ATP8A2: variants seen among roughly 807,000 people sequenced by gnomAD.
The protein encoded by ATP8A2 is phospholipid-transporting ATPase IB.
In ATP8A2, 100 loss-of-function variants were observed where a neutral mutation model predicts 165.6. The ratio of observed to expected loss-of-function variants is 0.60; its 90% CI spans 0.51 to 0.71. The LOEUF (loss-of-function observed/expected upper bound fraction) is 0.71. Ranked by LOEUF, ATP8A2 falls within the 30% of genes least tolerant of loss-of-function variation. The pLI is 0.00. For synonymous variants in ATP8A2, 543 were observed against 548.8 expected (o/e 0.99, Z 0.15); for missense variants, 1,227 against 1,479.5 (o/e 0.83, Z 2.80).
chr13:25,997,533 TC>T (rs1252586953), intron 35 of ATP8A2, among the ~76,000 whole-genome samples: 1 of 152,224 alleles, frequency 6.6e-6, no homozygotes, highest in Non-Finnish European at 1.5e-5. Context: ...GCCGTATTTC[TC>T]CTCTTTTTCT....
chr13:25,790,609 C>T (rs970764062), intron 27 of ATP8A2, among the ~76,000 whole-genome samples: 9 of 150,546 alleles, frequency 6.0e-5, no homozygotes, highest in Non-Finnish European at 1.2e-4. Flanking sequence ...GTGGGAGGAT[C>T]GCTTGAGCCT....
intron 25 of ATP8A2, among the ~76,000 whole-genome samples, chr13:25,703,866 G>A (rs2043001358): frequency 6.6e-6 from 1 of 152,066 alleles, no homozygotes; most frequent in African/African-American, 2.4e-5. Flanking sequence ...GGCTACAGGG[G>A]ATAATTGTAC....
chr13:25,441,835 T>A (rs2034939345), intron 1 of ATP8A2, among the ~76,000 whole-genome samples: 1 of 152,210 alleles, frequency 6.6e-6, no homozygotes, highest in African/African-American at 2.4e-5. Context: ...TGTGTAACTA[T>A]CACCACCATC....
At chr13:25,548,399 TA>T (rs1322239732) in intron 10 of ATP8A2, among the ~76,000 whole-genome samples, 1 of 152,216 alleles carries the variant, frequency 6.6e-6, no homozygotes, top group African/African-American at 2.4e-5. Context: ...TAAAGTTTTC[TA>T]ATCCTCCTAA....
chr13:26,014,187 T>A (rs996971325), intron 36 of ATP8A2, among the ~76,000 whole-genome samples: 6 of 152,222 alleles, frequency 3.9e-5, no homozygotes, highest in Non-Finnish European at 8.8e-5. Context: ...GGCATGTTAC[T>A]TAATGTCTGC....
chr13:25,523,985 A>C (rs577980005), intron 2 of ATP8A2, among the ~76,000 whole-genome samples: 1 of 151,906 alleles, frequency 6.6e-6, no homozygotes, highest in South Asian at 2.1e-4. Flanking sequence ...TTTTTGATGT[A>C]GGTGTTTATT....
intron 33 of ATP8A2, among the ~76,000 whole-genome samples, chr13:25,917,618 C>G (rs2139016563): frequency 6.6e-6 from 1 of 152,350 alleles, no homozygotes; most frequent in African/African-American, 2.4e-5. Flanking sequence ...GTCACTCACT[C>G]TACTGCATTA....
chr13:25,657,626 GTTTGCAATT>G (rs1425081141), intron 24 of ATP8A2, among the ~76,000 whole-genome samples: 1 of 152,180 alleles, frequency 6.6e-6, no homozygotes, highest in Non-Finnish European at 1.5e-5. Context: ...AACCACACTA[GTTTGCAATT>G]TTTGTAATGG....
intron 16 of ATP8A2, among the ~76,000 whole-genome samples, chr13:25,564,898 A>G (rs763772444): frequency 4.8e-5 from 7 of 146,230 alleles, no homozygotes; most frequent in Non-Finnish European, 1.1e-4. Context: ...AGTCCGTTGT[A>G]TCATTCTTAT....
chr13:25,500,295 A>G (rs1050699905), intron 2 of ATP8A2, among the ~76,000 whole-genome samples: 2 of 152,208 alleles, frequency 1.3e-5, no homozygotes, highest in Admixed American at 6.5e-5. Flanking sequence ...AGGGAACTCA[A>G]TTATGTTATT....
intron 33 of ATP8A2, among the ~76,000 whole-genome samples, chr13:25,884,035 G>A (rs1461835634): frequency 6.6e-6 from 1 of 152,080 alleles, no homozygotes; most frequent in East Asian, 1.9e-4. Context: ...GAGTTCAGGG[G>A]GCCAGAAAGA....
Position 25,861,856 on chromosome 13 carries a change from A to G in ATP8A2, c.3076-445A>G, listed in dbSNP as rs144057452. 5.8e-3 allele frequency among the ~76,000 whole-genome samples: 884 copies of G among 152,330 alleles called. 14 individuals are homozygous for G. The highest frequency in any genetic ancestry group is 0.021 in the African/African-American group (858 of 41,568). On this transcript the variant is annotated intron_variant, in intron 32 of 36. Transcript: ENST00000381655. ...AAGAGGCAATATCCATTTCAGATTT[A>G]AAAATAAAAAACTCTTGGCTAAAGG...
intron 24 of ATP8A2, among the ~76,000 whole-genome samples, chr13:25,650,097 TTGGGAAATCCCGTCTG>T (rs2041774925): frequency 6.6e-6 from 1 of 152,180 alleles, no homozygotes; most frequent in Non-Finnish European, 1.5e-5. Context: ...ACCATGGTTT[TTGGGAAATCCCGTCTG>T]TGAGGCCCTG....
intron 5 of ATP8A2, 30 bp downstream of exon 5, chr13:25,532,347 A>C (rs755086455): frequency 6.4e-7 from 1 of 1,564,466 alleles, no homozygotes; most frequent in Non-Finnish European, 8.7e-7. Context: ...GACTTTTTCC[A>C]CTGGAAAACT....
chr13:25,775,968 C>T (rs551415397), intron 27 of ATP8A2, among the ~76,000 whole-genome samples: 2 of 152,280 alleles, frequency 1.3e-5, no homozygotes, highest in African/African-American at 4.8e-5. Flanking sequence ...TCATTCAGGT[C>T]AAACATATAA....
At chr13:25,465,748 C>CCTCCCTCTCTCTCTCT (rs747184058) in intron 1 of ATP8A2, among the ~76,000 whole-genome samples, 1 of 4,344 alleles carries the variant, frequency 2.3e-4, no homozygotes. Context: ...TCCCTCCCTC[C>CCTCCCTCTCTCTCTCT]CTCTCTCTCT....
intron 27 of ATP8A2, among the ~76,000 whole-genome samples, chr13:25,804,315 G>T (rs1950684259): frequency 6.6e-6 from 1 of 152,162 alleles, no homozygotes; most frequent in Non-Finnish European, 1.5e-5. Flanking sequence ...TGTAAAGATA[G>T]AAATAAGTGG....
chr13:25,525,882 G>C (rs996351779), intron 2 of ATP8A2, among the ~76,000 whole-genome samples: 2 of 151,918 alleles, frequency 1.3e-5, no homozygotes, highest in African/African-American at 2.4e-5. Flanking sequence ...TTATTTTTTT[G>C]AGTAAGCTTT....
chr13:25,700,432 G>A (rs1452997101), intron 25 of ATP8A2, among the ~76,000 whole-genome samples: 15 of 152,006 alleles, frequency 9.9e-5, no homozygotes, highest in East Asian at 5.8e-4. Context: ...CTTCCTGCAC[G>A]CCTTCACCCC....
Sources: allele counts gnomAD v4.1 joint callset (sites outside exome capture counted in the v4.1 genomes callset), GRCh38; gene constraint gnomAD v4.1.1; transcripts MANE v1.5; gene names NCBI Gene and HGNC (gene_info 2026-07-23, HGNC 2026-07-21).